Variants in KCNJ13 observed in about 807,000 individuals in gnomAD.
KCNJ13 encodes potassium inwardly rectifying channel subfamily J member 13, also known as inward rectifier potassium channel 13.
KCNJ13 carries 9 observed loss-of-function variants against 24.6 expected under a neutral mutation model. That is an observed-to-expected ratio of 0.37 (90% CI 0.22 to 0.64). KCNJ13 has a LOEUF of 0.64. KCNJ13 is among the 30% of genes least tolerant of loss of function. The pLI is 0.64. For missense variants in KCNJ13, 337 were observed against 443.8 expected (o/e 0.76, Z 2.16); for synonymous variants, 148 against 154.7 (o/e 0.96, Z 0.32).
intron 2 of KCNJ13, among the ~76,000 whole-genome samples, chr2:232,769,217 G>A (rs535243645): frequency 6.6e-6 from 1 of 152,226 alleles, no homozygotes; most frequent in South Asian, 2.1e-4. Context: ...GATTTGGGAT[G>A]GGGAGGGGAC....
In KCNJ13 at chr2:232,767,683, G is replaced by C. The variant is rs1327941285; in HGVS notation, c.*508C>G. 1 of 160,626 alleles carries C rather than the reference G, an allele frequency of 6.2e-6. No individual in the cohort carries two copies. Among genetic ancestry groups the C allele is most frequent in the Non-Finnish European group, 1.4e-5 (1 of 72,908 alleles). 10.0% of individuals were successfully genotyped at this position (160,626 alleles called of 1,614,324 possible). On this transcript the variant is annotated 3_prime_UTR_variant, in exon 3 of 3. Coordinates refer to ENST00000233826, the MANE Select transcript of KCNJ13 (RefSeq NM_002242.4). ...AATTAAGGAGGTAATACTTACTCAA[G>C]TTTCATAGTATAAAGAACCAAATGA...
In KCNJ13 at chr2:232,766,553, A is replaced by G. The variant is rs1698970275; in HGVS notation, c.*1638T>C. 1.3e-5 allele frequency: 2 copies of G among 152,488 alleles called. No individual in the cohort carries two copies. Among genetic ancestry groups the G allele is most frequent in the African/African-American group, 2.4e-5 (1 of 41,452 alleles). The allele number at this position is 152,488 out of a possible 1,614,324, so 9.4% of individuals were successfully genotyped here. On this transcript the variant is annotated 3_prime_UTR_variant, in exon 3 of 3. Coordinates refer to ENST00000233826, the MANE Select transcript of KCNJ13 (RefSeq NM_002242.4). ...AGAATTCTTGCTGTCTTTATGTGTT[A>G]CAATAGTCTTGGGTTGGGAAAATCT...
chr2:232,772,334 A>G (rs1232796470), intron 1 of KCNJ13, among the ~76,000 whole-genome samples: 3 of 152,134 alleles, frequency 2.0e-5, no homozygotes, highest in African/African-American at 7.2e-5. Context: ...CTCTGATTAG[A>G]TTGGGGGGTA....
intron 2 of KCNJ13, among the ~76,000 whole-genome samples, chr2:232,769,325 G>A (rs1001462459): frequency 6.6e-6 from 1 of 151,962 alleles, no homozygotes; most frequent in Non-Finnish European, 1.5e-5. Context: ...GAGGTCAGGA[G>A]TTTGAGACCA....
In KCNJ13 at chr2:232,768,363, G is replaced by A. The variant is rs1183967062; in HGVS notation, c.911C>T (p.Thr304Ile). The change falls in exon 3 of 3, where the codon ACC becomes ATC. Residue 304 changes from threonine to isoleucine, a missense_variant. By Grantham distance (89) the Thr-to-Ile change is moderately conservative. Coordinates refer to ENST00000233826, the MANE Select transcript of KCNJ13 (RefSeq NM_002242.4). ...TTGATATTCACCTTTGGAACCTCGG[G>A]TCAACAGAGATGCAAAACAGTGATG... ...MLHHCFASLL[T>I]RGSKGEYQIK... The A allele has an allele frequency of 6.2e-7, 1 of 1,614,028 alleles. No homozygotes were observed. The highest frequency in any genetic ancestry group is 8.5e-7 in the Non-Finnish European group (1 of 1,180,026).
rs1351279614 is a variant in KCNJ13 at position 232,766,041 on chromosome 2, C to T, written c.*2150G>A. The T allele has an allele frequency of 4.2e-6, 2 of 470,760 alleles. No individual in the cohort carries two copies. Among genetic ancestry groups the T allele is most frequent in the Non-Finnish European group, 8.8e-6 (2 of 226,954 alleles). 29.2% of individuals were successfully genotyped at this position (470,760 alleles called of 1,614,324 possible). The stretch of plus-strand genomic sequence containing the variant: ...ATTCCTCCCTCCCAGTAATTTCCGC[C>T]CTTTTTCCATTGTTACTTCCTTTTC... On this transcript the variant is annotated 3_prime_UTR_variant, in exon 3 of 3. Coordinates refer to ENST00000233826, the MANE Select transcript of KCNJ13 (RefSeq NM_002242.4).
chr2:232,773,226 T>A (rs947926510), intron 1 of KCNJ13, among the ~76,000 whole-genome samples: 4 of 152,212 alleles, frequency 2.6e-5, no homozygotes, highest in Admixed American at 2.6e-4. Flanking sequence ...AGATTATTTT[T>A]AAATGTTTTA....
At chr2:232,776,366 C>T (rs1699512314) in intron 1 of KCNJ13, 79 bp downstream of exon 1, 6 of 1,007,474 alleles carry the variant, frequency 6.0e-6, no homozygotes, top group South Asian at 1.4e-5. Context: ...AGTAATCTAG[C>T]TCTGTTGCTA....
chr2:232,776,537 G>A lies in KCNJ13; in HGVS notation c.-109C>T, dbSNP rs1018483348. 7.6e-5 allele frequency: 71 copies of A among 940,238 alleles called. No individual in the cohort carries two copies. Among genetic ancestry groups the A allele is most frequent in the Admixed American group, 2.2e-4 (11 of 51,074 alleles). The allele number at this position is 940,238 out of a possible 1,614,324, so 58.2% of individuals were successfully genotyped here. A position where few individuals can be genotyped will look rare whatever the true frequency, so the allele number is the denominator to read the frequency against. ...TTGATCAGATAATTTTAATCTACAA[G>A]TCTAGTTTGTAGGTTCTCTTCTTGG... On this transcript the variant is annotated 5_prime_UTR_variant, in exon 1 of 3. Coordinates refer to ENST00000233826, the MANE Select transcript of KCNJ13 (RefSeq NM_002242.4).
In KCNJ13 at chr2:232,766,560, T is replaced by A. The variant is rs1276391176; in HGVS notation, c.*1631A>T. On this transcript the variant is annotated 3_prime_UTR_variant, in exon 3 of 3. Transcript: ENST00000233826. The stretch of plus-strand genomic sequence containing the variant: ...TTGCTGTCTTTATGTGTTACAATAG[T>A]CTTGGGTTGGGAAAATCTGTTGGTC... 1 of 152,372 alleles carries A rather than the reference T, an allele frequency of 6.6e-6. No homozygotes were observed. Among genetic ancestry groups the A allele is most frequent in the Non-Finnish European group, 1.5e-5 (1 of 68,174 alleles). The allele number at this position is 152,372 out of a possible 1,614,324, so 9.4% of individuals were successfully genotyped here. A position where few individuals can be genotyped will look rare whatever the true frequency, so the allele number is the denominator to read the frequency against.
rs1317953997 is a variant in KCNJ13, at chr2:232,768,680, A to T, written c.594T>A (p.Pro198=). 6.2e-7 allele frequency: 1 copy of T among 1,610,994 alleles called. No individual in the cohort carries two copies. Among genetic ancestry groups the T allele is most frequent in the Non-Finnish European group, 8.5e-7 (1 of 1,177,610 alleles). The change falls in exon 3 of 3, where the codon CCT becomes CCA. Residue 198 remains proline (P), a synonymous_variant. Transcript: ENST00000233826. ...IFQVANTRPS[P]LTSVRVSAVL... ...CAGCTGAGACCCGGACACTGGTTAG[A>T]GGGCTAGGTCGGGTGTTGGCCACTT...
intron 2 of KCNJ13, 81 bp downstream of exon 2, chr2:232,770,822 A>G (rs1317660972): frequency 1.1e-6 from 1 of 913,970 alleles, no homozygotes; most frequent in Non-Finnish European, 1.8e-6. Flanking sequence ...CTTATAACTG[A>G]CTATACCCTT....
At chr2:232,773,397 TTTAC>T (rs1453963009) in intron 1 of KCNJ13, among the ~76,000 whole-genome samples, 1 of 152,150 alleles carries the variant, frequency 6.6e-6, no homozygotes, top group Admixed American at 6.5e-5. Flanking sequence ...ATAAAAGAAA[TTTAC>T]ACAAGGCAAA....
intron 2 of KCNJ13, 54 bp from the exon 3 acceptor site, chr2:232,768,867 C>A: frequency 6.9e-7 from 1 of 1,456,738 alleles, no homozygotes; most frequent in Non-Finnish European, 9.4e-7. Flanking sequence ...AATATCAATA[C>A]TTTTTCTGAA....
At chr2:232,772,271 G>A (rs890714584) in intron 1 of KCNJ13, among the ~76,000 whole-genome samples, 4 of 152,038 alleles carry the variant, frequency 2.6e-5, no homozygotes, top group Admixed American at 6.6e-5. Context: ...AACCATGTTC[G>A]TGGATTCTTT....
intron 1 of KCNJ13, among the ~76,000 whole-genome samples, chr2:232,773,411 A>G (rs780956615): frequency 3.9e-5 from 6 of 152,184 alleles, no homozygotes; most frequent in Non-Finnish European, 5.9e-5. Context: ...CACAAGGCAA[A>G]TAGGAGCTTT....
At position 232,766,277 on chromosome 2, in the gene KCNJ13, A is replaced by G. The variant is rs1235695608; in HGVS notation, c.*1914T>C. Among the ~76,000 whole-genome samples the G allele has an allele frequency of 6.6e-6, 1 of 152,152 alleles. No individual in the cohort carries two copies. The highest frequency in any genetic ancestry group is 1.5e-5 in the Non-Finnish European group (1 of 68,018). ...TTTTTTGGCATGTGTAGGGGAAGTC[A>G]TATTTAGTTTTCAAATGCCAAATTT... is the stretch of plus-strand genomic sequence containing the variant. On this transcript the variant is annotated 3_prime_UTR_variant, in exon 3 of 3. Coordinates refer to ENST00000233826, the MANE Select transcript of KCNJ13 (RefSeq NM_002242.4).
intron 1 of KCNJ13, among the ~76,000 whole-genome samples, chr2:232,773,775 G>C (rs1266219975): frequency 2.0e-5 from 3 of 152,156 alleles, no homozygotes; most frequent in Admixed American, 2.0e-4. Context: ...TAAGCTCTCA[G>C]TAAAGTATTA....
At chr2:232,769,309 T>A (rs1045588948) in intron 2 of KCNJ13, among the ~76,000 whole-genome samples, 1 of 151,460 alleles carries the variant, frequency 6.6e-6, no homozygotes, top group Non-Finnish European at 1.5e-5. Context: ...GGCGGGCGGG[T>A]CATTTGAGGT....
Sources: allele counts gnomAD v4.1 joint callset (sites outside exome capture counted in the v4.1 genomes callset), GRCh38; gene constraint gnomAD v4.1.1; transcripts MANE v1.5; gene names NCBI Gene and HGNC (gene_info 2026-07-23, HGNC 2026-07-21).